The following VPS13B variants were observed in gnomAD, a reference collection of about 807,000 sequenced individuals.
The protein encoded by VPS13B is vacuolar protein sorting 13 homolog B, also known as intermembrane lipid transfer protein VPS13B.
In VPS13B, 285 loss-of-function variants were observed where a neutral mutation model predicts 426.4. That is an observed-to-expected ratio of 0.67 (90% CI 0.61 to 0.74). The LOEUF is 0.74. Among genes scored for constraint, VPS13B ranks in the 30% least tolerant of loss-of-function variants. The pLI is 0.00. For missense variants in VPS13B, 4,537 were observed against 4,782.6 expected (o/e 0.95, Z 1.51); for synonymous variants, 1,676 against 1,676.4 (o/e 1.00, Z 0.01).
intron 19 of VPS13B, among the ~76,000 whole-genome samples, chr8:99,291,183 A>G (rs530119389): frequency 1.3e-5 from 2 of 152,180 alleles, no homozygotes; most frequent in Middle Eastern, 3.4e-3. Flanking sequence ...TTAATTGAAT[A>G]TGTTGGCCAA....
intron 19 of VPS13B, among the ~76,000 whole-genome samples, chr8:99,331,208 G>A (rs1267694281): frequency 6.6e-6 from 1 of 151,818 alleles, no homozygotes; most frequent in Non-Finnish European, 1.5e-5. Flanking sequence ...CAATTTACTT[G>A]TTGTGGTTGT....
chr8:99,697,747 AG>A, intron 35 of VPS13B: 1 of 626,558 alleles, frequency 1.6e-6, no homozygotes, highest in Non-Finnish European at 3.0e-6. Context: ...GCGCGCCCGT[AG>A]GGGAGAACAT....
intron 33 of VPS13B, among the ~76,000 whole-genome samples, chr8:99,584,551 C>G (rs550454189): frequency 6.6e-6 from 1 of 152,274 alleles, no homozygotes; most frequent in East Asian, 1.9e-4. Flanking sequence ...AATAAGTACA[C>G]TATGGTCTCT....
chr8:99,698,465 A>T (rs1588634604), intron 35 of VPS13B, among the ~76,000 whole-genome samples: 2 of 152,236 alleles, frequency 1.3e-5, no homozygotes, highest in Admixed American at 6.5e-5. Flanking sequence ...GCCTCTGTTC[A>T]TCTGTGAATC....
intron 17 of VPS13B, chr8:99,233,808 C>T (rs895736527): frequency 1.2e-5 from 9 of 778,434 alleles, no homozygotes; most frequent in South Asian, 5.4e-5. Flanking sequence ...TTGTGGGCCA[C>T]GATTTTCAGA....
chr8:99,372,230 C>A (rs1224553740), intron 19 of VPS13B, among the ~76,000 whole-genome samples: 1 of 143,756 alleles, frequency 7.0e-6, no homozygotes, highest in Non-Finnish European at 1.5e-5. Context: ...CCAGCCTGGG[C>A]GACAGCGAGA....
At chr8:99,480,601 A>AT (rs1443858267) in intron 24 of VPS13B, among the ~76,000 whole-genome samples, 1 of 152,152 alleles carries the variant, frequency 6.6e-6, no homozygotes, top group South Asian at 2.1e-4. Context: ...TTTTAATAAG[A>AT]TTTTTAGCTA....
intron 12 of VPS13B, among the ~76,000 whole-genome samples, chr8:99,137,374 A>G (rs1810127649): frequency 6.6e-6 from 1 of 151,998 alleles, no homozygotes; most frequent in South Asian, 2.1e-4. Context: ...TATAAAAATG[A>G]TTTCAGTGTA....
intron 19 of VPS13B, among the ~76,000 whole-genome samples, chr8:99,289,392 G>A (rs777367677): frequency 2.9e-4 from 44 of 152,104 alleles, no homozygotes; most frequent in African/African-American, 6.5e-4. Flanking sequence ...TGATATTGCC[G>A]TTCTTTTTTG....
At chr8:99,189,284 C>T (rs1458295185) in intron 16 of VPS13B, among the ~76,000 whole-genome samples, 6 of 152,188 alleles carry the variant, frequency 3.9e-5, no homozygotes, top group Non-Finnish European at 8.8e-5. Flanking sequence ...ATGAATTGTG[C>T]ACATAAATTG....
chr8:99,398,507 G>A (rs1330163150), intron 21 of VPS13B, among the ~76,000 whole-genome samples: 1 of 152,164 alleles, frequency 6.6e-6, no homozygotes, highest in East Asian at 1.9e-4. Context: ...AATTGAAGAA[G>A]GAGGGACAAC....
intron 23 of VPS13B, among the ~76,000 whole-genome samples, chr8:99,453,632 A>G (rs576564076): frequency 6.6e-6 from 1 of 152,106 alleles, no homozygotes; most frequent in Non-Finnish European, 1.5e-5. Context: ...TGCATTTCCC[A>G]ATCTCCTCCC....
intron 4 of VPS13B, among the ~76,000 whole-genome samples, chr8:99,098,618 C>T (rs541382490): frequency 6.6e-6 from 1 of 152,172 alleles, no homozygotes; most frequent in South Asian, 2.1e-4. Flanking sequence ...CTGCTTATAT[C>T]TTTAGGAAAA....
intron 2 of VPS13B, among the ~76,000 whole-genome samples, chr8:99,030,810 C>G (rs1372284519): frequency 1.3e-5 from 2 of 151,952 alleles, no homozygotes; most frequent in Non-Finnish European, 2.9e-5. Flanking sequence ...TGTCATTCGC[C>G]AATTCATAAA....
chr8:99,049,052 C>T (rs746865364), intron 3 of VPS13B, among the ~76,000 whole-genome samples: 1 of 151,902 alleles, frequency 6.6e-6, no homozygotes, highest in Non-Finnish European at 1.5e-5. Flanking sequence ...TATGTGAGTC[C>T]TTATGTGGTA....
chr8:99,233,868 C>T, intron 17 of VPS13B: 2 of 780,258 alleles, frequency 2.6e-6, no homozygotes, highest in Non-Finnish European at 4.8e-6. Flanking sequence ...TGCATGCTTT[C>T]AAGAATCGTG....
At chr8:99,715,925 TG>T (rs1301267259) in intron 36 of VPS13B, among the ~76,000 whole-genome samples, 1 of 152,124 alleles carries the variant, frequency 6.6e-6, no homozygotes, top group Admixed American at 6.5e-5. Context: ...TTAATAAAGA[TG>T]GTTTTTTATT....
At chr8:99,838,414 C>G (rs1346709896) in intron 54 of VPS13B, among the ~76,000 whole-genome samples, 1 of 152,188 alleles carries the variant, frequency 6.6e-6, no homozygotes, top group East Asian at 1.9e-4. Context: ...ATTTCTGATA[C>G]TCTGAAACCA....
At chr8:99,655,222 C>T (rs1829979941) in intron 34 of VPS13B, among the ~76,000 whole-genome samples, 2 of 152,156 alleles carry the variant, frequency 1.3e-5, no homozygotes, top group Admixed American at 6.6e-5. Context: ...GAATACATAA[C>T]GAAGTCCAAT....
Sources: gnomAD v4.1 joint callset for allele counts (sites outside exome capture counted in the v4.1 genomes callset) on GRCh38, gnomAD v4.1.1 for gene constraint, MANE v1.5 for transcripts, NCBI Gene and HGNC (gene_info 2026-07-23, HGNC 2026-07-21) for gene names.